The following ROBO1 variants were observed in gnomAD, a reference collection of about 807,000 sequenced individuals.
ROBO1 encodes the protein roundabout homolog 1.
Under a neutral mutation model 195.9 loss-of-function variants are expected in ROBO1, and 149 were observed. The observed-to-expected ratio is 0.76, with a 90% CI of 0.67 to 0.87. The LOEUF (loss-of-function observed/expected upper bound fraction) is 0.87, where lower values mean the gene tolerates loss of function less well. Among genes scored for constraint, ROBO1 ranks in the 40% least tolerant of loss-of-function variants. The probability of loss-of-function intolerance (pLI) is 0.00; values close to 1 mark genes in which losing one functional copy is unlikely to be tolerated. For synonymous variants in ROBO1, 816 were observed against 733.2 expected (o/e 1.11, Z -1.82); for missense variants, 1,933 against 2,068.3 (o/e 0.93, Z 1.27).
chr3:79,106,845 G>A (rs764078913), intron 3 of ROBO1, among the ~76,000 whole-genome samples: 1 of 151,630 alleles, frequency 6.6e-6, no homozygotes, highest in Non-Finnish European at 1.5e-5. Flanking sequence ...AGTGAAAGTT[G>A]TTATTACAGG....
chr3:78,931,236 CTTTTTTTT>C (rs71127369), intron 4 of ROBO1, among the ~76,000 whole-genome samples: 42 of 79,230 alleles, frequency 5.3e-4, no homozygotes, highest in African/African-American at 1.7e-3. Flanking sequence ...TTCTTTCTTT[CTTTTTTTT>C]TTTTTTTTTT....
At chr3:79,344,652 T>A (rs1467005746) in intron 2 of ROBO1, among the ~76,000 whole-genome samples, 1 of 152,036 alleles carries the variant, frequency 6.6e-6, no homozygotes, top group Non-Finnish European at 1.5e-5. Context: ...GTTACAATAA[T>A]GAATGCTTTT....
intron 3 of ROBO1, among the ~76,000 whole-genome samples, chr3:79,102,439 C>T (rs1027720314): frequency 6.6e-6 from 1 of 151,696 alleles, no homozygotes; most frequent in African/African-American, 2.4e-5. Flanking sequence ...GCTTATTAAA[C>T]ATCATAAATT....
In ROBO1 at chr3:79,630,117, G is replaced by A. The variant is rs72909952; in HGVS notation, c.-50-40156C>T. On this transcript the variant is annotated intron_variant, in intron 1 of 30. Coordinates refer to ENST00000464233, the MANE Select transcript of ROBO1 (RefSeq NM_002941.4). ...CTAAAAACAAACAAACAAGAAGGAG[G>A]AGAGATTTCTCTGTAATTCATTCTA... Among the ~76,000 whole-genome samples, 1,000 of 152,000 alleles carry A rather than the reference G, an allele frequency of 6.6e-3. 9 individuals are homozygous for A. Among genetic ancestry groups the A allele is most frequent in the African/African-American group, 0.023 (941 of 41,508 alleles).
At chr3:78,759,241 G>A (rs2083026417) in intron 4 of ROBO1, 1 of 152,450 alleles carries the variant, frequency 6.6e-6, no homozygotes, top group African/African-American at 2.4e-5. Context: ...TAGGGAAATG[G>A]TTGGGTATCT....
chr3:78,669,782 C>T (rs1707956162), intron 11 of ROBO1, among the ~76,000 whole-genome samples: 1 of 152,130 alleles, frequency 6.6e-6, no homozygotes, highest in Non-Finnish European at 1.5e-5. Context: ...TATGGAAGGA[C>T]TGCTTCGTAC....
At chr3:79,487,567 G>A (rs1939228942) in intron 2 of ROBO1, among the ~76,000 whole-genome samples, 1 of 152,148 alleles carries the variant, frequency 6.6e-6, no homozygotes, top group Admixed American at 6.6e-5. Context: ...CCCTTAAAGA[G>A]TATAGACCAG....
chr3:78,989,650 A>T (rs555926342), intron 3 of ROBO1, among the ~76,000 whole-genome samples: 69 of 152,236 alleles, frequency 4.5e-4, no homozygotes, highest in African/African-American at 1.6e-3. Context: ...GAAATTAACT[A>T]TTTTTAACAG....
intron 4 of ROBO1, among the ~76,000 whole-genome samples, chr3:78,858,619 G>A (rs942098824): frequency 3.3e-5 from 5 of 150,240 alleles, no homozygotes; most frequent in African/African-American, 1.2e-4. Context: ...GCATGGTAGC[G>A]CAGGCTTGTA....
At chr3:78,765,762 A>G (rs1310633101) in intron 4 of ROBO1, among the ~76,000 whole-genome samples, 5 of 152,100 alleles carry the variant, frequency 3.3e-5, no homozygotes, top group African/African-American at 1.2e-4. Context: ...AACAGATGGC[A>G]CTCAGGATTT....
intron 1 of ROBO1, among the ~76,000 whole-genome samples, chr3:79,703,936 A>T (rs769817073): frequency 1.1e-4 from 16 of 152,000 alleles, no homozygotes; most frequent in Non-Finnish European, 2.2e-4. Flanking sequence ...GTTTTGTGGC[A>T]GATATTTTTA....
At chr3:78,998,295 T>C (rs932410184) in intron 3 of ROBO1, among the ~76,000 whole-genome samples, 1 of 152,088 alleles carries the variant, frequency 6.6e-6, no homozygotes, top group East Asian at 1.9e-4. Flanking sequence ...TTAGTCTAAA[T>C]AGTAATAGTA....
Position 78,634,057 on chromosome 3 carries a change from T to G in ROBO1, c.3374-15A>C, listed in dbSNP as rs751854747. 2.4e-5 allele frequency: 37 copies of G among 1,520,248 alleles called. No individual in the cohort carries two copies. Among genetic ancestry groups the G allele is most frequent in the Non-Finnish European group, 3.3e-5 (36 of 1,103,730 alleles). The allele number at this position is 1,520,248 out of a possible 1,614,324, so 94.2% of individuals were successfully genotyped here. On this transcript the variant is annotated splice_polypyrimidine_tract_variant and intron_variant, in intron 23 of 30. Coordinates refer to ENST00000464233, the MANE Select transcript of ROBO1 (RefSeq NM_002941.4). Reference sequence around the variant, plus strand: ...TGCTCGATAATCTAGACATATCAGATGAAAAAACAATAAACATTTATTTTC... The same window carrying G: ...TGCTCGATAATCTAGACATATCAGAGGAAAAAACAATAAACATTTATTTTC...
At chr3:79,348,749 GAA>G (rs2035228834) in intron 2 of ROBO1, among the ~76,000 whole-genome samples, 1 of 152,062 alleles carries the variant, frequency 6.6e-6, no homozygotes, top group African/African-American at 2.4e-5. Flanking sequence ...TTTTTGAGTG[GAA>G]AAAGACACGA....
At chr3:79,344,028 C>T (rs1365415268) in intron 2 of ROBO1, among the ~76,000 whole-genome samples, 1 of 152,028 alleles carries the variant, frequency 6.6e-6, no homozygotes, top group East Asian at 1.9e-4. Flanking sequence ...TGGAATTTGG[C>T]AAGTTTCTCA....
chr3:78,708,237 C>T (rs1690896965), intron 8 of ROBO1, among the ~76,000 whole-genome samples: 1 of 152,084 alleles, frequency 6.6e-6, no homozygotes, highest in African/African-American at 2.4e-5. Flanking sequence ...GAAACTCAAA[C>T]TTTAAACTAT....
intron 2 of ROBO1, among the ~76,000 whole-genome samples, chr3:79,328,635 A>C (rs1285922078): frequency 2.6e-5 from 4 of 152,144 alleles, no homozygotes; most frequent in Non-Finnish European, 4.4e-5. Flanking sequence ...TTTTTAAAAA[A>C]TTTCAATAGT....
At position 79,677,828 on chromosome 3, in the gene ROBO1, G is replaced by A. The variant is rs538879438; in HGVS notation, c.-50-87867C>T. On this transcript the variant is annotated intron_variant, in intron 1 of 30. Coordinates refer to ENST00000464233, the MANE Select transcript of ROBO1 (RefSeq NM_002941.4). ...CATCTCCAGTGGAGGTGCTAAATGA[G>A]AACATAGCCAGGCCAATACCTTGTT... 5.7e-4 allele frequency among the ~76,000 whole-genome samples: 87 copies of A among 152,198 alleles called. 1 individual carries two copies. The highest frequency in any genetic ancestry group is 2.1e-3 in the African/African-American group (86 of 41,556).
At chr3:78,947,997 C>T (rs563104275) in intron 3 of ROBO1, among the ~76,000 whole-genome samples, 7 of 152,056 alleles carry the variant, frequency 4.6e-5, no homozygotes, top group Admixed American at 3.3e-4. Context: ...TCTGAATAGA[C>T]CAATAACAGG....
Sources: allele counts gnomAD v4.1 joint callset (sites outside exome capture counted in the v4.1 genomes callset), GRCh38; gene constraint gnomAD v4.1.1; transcripts MANE v1.5; gene names NCBI Gene and HGNC (gene_info 2026-07-23, HGNC 2026-07-21).